ADAMTS9: variants seen among roughly 807,000 people sequenced by gnomAD.
ADAMTS9 encodes the protein A disintegrin and metalloproteinase with thrombospondin motifs 9.
In ADAMTS9, 107 loss-of-function variants were observed where a neutral mutation model predicts 257.1. The observed-to-expected ratio is 0.42, with a 90% confidence interval of 0.36 to 0.49. ADAMTS9 has a LOEUF of 0.49. ADAMTS9 is among the 20% of genes least tolerant of loss of function. ADAMTS9 has a pLI of 0.03. For missense variants in ADAMTS9, 2,353 were observed against 2,469.1 expected, an observed-to-expected ratio of 0.95 and a Z score of 1.00; for synonymous variants, 982 against 880.9, an observed-to-expected ratio of 1.11 and a Z score of -2.03.
At chr3:64,639,918 C>T (rs562387239) in intron 12 of ADAMTS9, among the ~76,000 whole-genome samples, 6 of 152,246 alleles carry the variant, frequency 3.9e-5, no homozygotes, top group African/African-American at 1.4e-4. Flanking sequence ...TCTGAAAAGT[C>T]TGAAATGACA....
Position 64,658,528 on chromosome 3 carries a change from G to C in ADAMTS9, c.943C>G (p.His315Asp). The change falls in exon 4 of 40, where the codon CAC becomes GAC. Residue 315 changes from histidine (H) to aspartate (D), a missense_variant. Coordinates refer to ENST00000498707, the MANE Select transcript of ADAMTS9 (RefSeq NM_182920.2). The stretch of plus-strand genomic sequence containing the variant: ...ATTGACATTAAAGTTAAAATATAGT[G>C]TTGAAGGTTTTCTCCATGGTATGAA... The part of the protein sequence containing the change: ...MVSYHGENLQ[H>D]YILTLMSIVA... 6.2e-7 allele frequency: 1 copy of C among 1,613,354 alleles called. No individual in the cohort carries two copies. The highest frequency in any genetic ancestry group is 8.5e-7 in the Non-Finnish European group (1 of 1,179,816).
intron 28 of ADAMTS9, chr3:64,582,715 C>T (rs905451728): frequency 1.3e-5 from 2 of 152,138 alleles, no homozygotes; most frequent in Non-Finnish European, 2.9e-5. Context: ...CCCAAACAGT[C>T]CCTACAACAA....
intron 11 of ADAMTS9, among the ~76,000 whole-genome samples, chr3:64,643,130 G>A (rs1418624769): frequency 6.6e-6 from 1 of 152,188 alleles, no homozygotes; most frequent in African/African-American, 2.4e-5. Flanking sequence ...AACCCTGGGT[G>A]ACTCAGGACC....
rs764021324 is a variant in ADAMTS9 at position 64,616,147 on chromosome 3, T to C, written c.2837A>G (p.Glu946Gly). ...ACCCAAGCCACACTGGGCACTACAT[T>C]CACTCCTGCTGGCAACATGCCACCT... ...DLRWHVASRSECSAQCGLGYR... is the reference protein window; with the variant it reads ...DLRWHVASRSGCSAQCGLGYR... The change falls in exon 20 of 40, where the codon GAA becomes GGA. Residue 946 changes from glutamate (E) to glycine (G), a missense_variant. Transcript: ENST00000498707. 1 of 1,614,086 alleles carries C rather than the reference T, an allele frequency of 6.2e-7. No homozygotes were observed. The highest frequency in any genetic ancestry group is 8.5e-7 in the Non-Finnish European group (1 of 1,179,964).
intron 37 of ADAMTS9, among the ~76,000 whole-genome samples, chr3:64,535,826 A>T (rs1575989283): frequency 6.6e-6 from 1 of 151,354 alleles, no homozygotes; most frequent in Admixed American, 6.6e-5. Flanking sequence ...TACAGGCATG[A>T]CCCACCGCAC....
intron 30 of ADAMTS9, among the ~76,000 whole-genome samples, chr3:64,558,476 C>T (rs2106949553): frequency 6.6e-6 from 1 of 152,184 alleles, no homozygotes; most frequent in Middle Eastern, 3.4e-3. Flanking sequence ...GGCCATTGTA[C>T]TATACAACTC....
At chr3:64,645,666 C>T (rs922737293) in intron 11 of ADAMTS9, among the ~76,000 whole-genome samples, 3 of 152,206 alleles carry the variant, frequency 2.0e-5, no homozygotes. Flanking sequence ...ATATCCACAT[C>T]TTTAATAAAA....
chr3:64,526,056 A>C (rs2082906328), intron 38 of ADAMTS9, among the ~76,000 whole-genome samples: 1 of 146,794 alleles, frequency 6.8e-6, no homozygotes. Flanking sequence ...CTTATGTGTG[A>C]TATGCTATAC....
chr3:64,624,999 ACTAGAGAAAGG>A (rs1226894704), intron 16 of ADAMTS9, among the ~76,000 whole-genome samples: 1 of 152,164 alleles, frequency 6.6e-6, no homozygotes, highest in Non-Finnish European at 1.5e-5. Flanking sequence ...CTGAACAAAG[ACTAGAGAAAGG>A]CCCCCCCTTA....
chr3:64,544,325 G>T (rs1051700853), intron 32 of ADAMTS9, among the ~76,000 whole-genome samples: 2 of 152,154 alleles, frequency 1.3e-5, no homozygotes, highest in Admixed American at 6.5e-5. Flanking sequence ...TAAGCCGAAA[G>T]AACAAAGCTG....
At chr3:64,626,334 CAAG>C (rs1361615897) in intron 16 of ADAMTS9, among the ~76,000 whole-genome samples, 1 of 152,106 alleles carries the variant, frequency 6.6e-6, no homozygotes, top group Non-Finnish European at 1.5e-5. Context: ...TAAAATTTTC[CAAG>C]AAGGGGGTCA....
chr3:64,554,797 G>T (rs2083310582), intron 30 of ADAMTS9, among the ~76,000 whole-genome samples: 1 of 152,150 alleles, frequency 6.6e-6, no homozygotes, highest in African/African-American at 2.4e-5. Context: ...GAAATTAACA[G>T]GGGGAAAAGA....
Position 64,568,443 on chromosome 3 carries a change from G to A in ADAMTS9, c.4449C>T (p.His1483=), listed in dbSNP as rs1280050163. ...GSHLESDYCK[H]LAKPHGHRKC... ...TTCTGTGCCCATGTGGCTTAGCCAG[G>A]TGCTTACAGTAATCACTTTCTAAAT... The change falls in exon 29 of 40, where the codon CAC becomes CAT. Residue 1483 remains histidine, a synonymous_variant. Coordinates refer to ENST00000498707, the MANE Select transcript of ADAMTS9 (RefSeq NM_182920.2). The A allele has an allele frequency of 1.9e-6, 3 of 1,613,942 alleles. No individual in the cohort carries two copies. The highest frequency in any genetic ancestry group is 2.5e-6 in the Non-Finnish European group (3 of 1,179,986).
Position 64,568,539 on chromosome 3 carries a change from C to A in ADAMTS9, c.4357-4G>T, listed in dbSNP as rs757973112. ...CTCGACCACAAGAGACAGAACACTG[C>A]AATATAAAGCAATGGCAAGGTTGTT... On this transcript the variant is annotated splice_region_variant and splice_polypyrimidine_tract_variant and intron_variant, in intron 28 of 39. Coordinates refer to ENST00000498707, the MANE Select transcript of ADAMTS9 (RefSeq NM_182920.2). The A allele has an allele frequency of 8.8e-5, 141 of 1,610,406 alleles. No individual in the cohort carries two copies. Among genetic ancestry groups the A allele is most frequent in the Non-Finnish European group, 1.1e-4 (130 of 1,179,146 alleles).
chr3:64,642,348 T>C (rs1700667706), intron 11 of ADAMTS9, among the ~76,000 whole-genome samples: 1 of 152,114 alleles, frequency 6.6e-6, no homozygotes, highest in African/African-American at 2.4e-5. Flanking sequence ...GTTATAAGAT[T>C]TGCATAGTGA....
At position 64,622,477 on chromosome 3, in the gene ADAMTS9, C is replaced by T. The variant is rs115939195; in HGVS notation, c.2499G>A (p.Glu833=). Residue 833 remains glutamate (E), a synonymous_variant, in exon 17 of 40, where the codon GAG becomes GAA. Transcript: ENST00000498707. ...TTGAGTTAATTCTTTCTACGGCAGT[C>T]TCGGACCCACTGTACTCTACCACAG... is the stretch of plus-strand genomic sequence containing the variant. ...GNAVVEYSGS[E]TAVERINSTD... is the part of the protein sequence containing the mutation. The T allele has an allele frequency of 4.4e-4, 707 of 1,614,062 alleles. 4 individuals are homozygous for T. In the African/African-American group the frequency reaches 6.2e-3, roughly 14 times the overall value.
At chr3:64,531,446 T>C (rs780198012) in intron 38 of ADAMTS9, among the ~76,000 whole-genome samples, 1 of 151,816 alleles carries the variant, frequency 6.6e-6, no homozygotes, top group Non-Finnish European at 1.5e-5. Flanking sequence ...GTACACTTAT[T>C]GTAAACAGTG....
chr3:64,636,675 AT>A (rs1416944500), intron 12 of ADAMTS9, among the ~76,000 whole-genome samples: 1 of 152,188 alleles, frequency 6.6e-6, no homozygotes. Flanking sequence ...ATTGAAAAAA[AT>A]TTTTACAAAG....
intron 32 of ADAMTS9, among the ~76,000 whole-genome samples, chr3:64,543,184 G>C (rs2083150169): frequency 1.7e-5 from 2 of 118,384 alleles, no homozygotes; most frequent in African/African-American, 6.7e-5. Flanking sequence ...TTCTACCAGA[G>C]GTACAAACAA....
Sources: allele counts gnomAD v4.1 joint callset (sites outside exome capture counted in the v4.1 genomes callset), GRCh38; gene constraint gnomAD v4.1.1; transcripts MANE v1.5; gene names NCBI Gene and HGNC (gene_info 2026-07-23, HGNC 2026-07-21).